The following PIK3C2G variants were observed in gnomAD, a reference collection of about 807,000 sequenced individuals.
The protein encoded by PIK3C2G is phosphatidylinositol-4-phosphate 3-kinase catalytic subunit type 2 gamma.
In PIK3C2G, 168 loss-of-function variants were observed where a neutral mutation model predicts 181.1. The ratio of observed to expected loss-of-function variants is 0.93; its 90% CI spans 0.82 to 1.05. PIK3C2G has a LOEUF of 1.05. Among genes scored for constraint, PIK3C2G ranks in the 50% least tolerant of loss-of-function variants. PIK3C2G has a pLI of 0.00. For synonymous variants in PIK3C2G, 573 were observed against 592.2 expected (o/e 0.97, Z 0.47); for missense variants, 1,869 against 1,732.8 (o/e 1.08, Z -1.40).
chr12:18,258,752 A>C (rs1259729762), upstream of PIK3C2G, among the ~76,000 whole-genome samples: 8 of 151,988 alleles, frequency 5.3e-5, no homozygotes, highest in Non-Finnish European at 1.2e-4. Flanking sequence ...GTTCAAGTTT[A>C]GTACAAAATG....
At chr12:18,373,601 G>A (rs1275453380) in intron 13 of PIK3C2G, among the ~76,000 whole-genome samples, 2 of 152,134 alleles carry the variant, frequency 1.3e-5, no homozygotes, top group African/African-American at 4.8e-5. Context: ...TGTAATCCCA[G>A]CACTTTGGGA....
At chr12:18,661,275 C>T in the PIK3C2G span, among the ~76,000 whole-genome samples, 2 of 151,916 alleles carry the variant, frequency 1.3e-5, 1 homozygote, top group South Asian at 4.2e-4. Context: ...TGATGAGATA[C>T]AAGAATTATA....
intron 31 of PIK3C2G, among the ~76,000 whole-genome samples, chr12:18,629,423 C>T (rs912574435): frequency 1.3e-4 from 20 of 152,080 alleles, no homozygotes; most frequent in Admixed American, 8.5e-4. Context: ...TGGAGAAACC[C>T]GGAGAGGTGA....
chr12:18,431,232 G>A (rs1202685849), intron 18 of PIK3C2G, among the ~76,000 whole-genome samples: 66 of 152,266 alleles, frequency 4.3e-4, no homozygotes, highest in Non-Finnish European at 2.9e-5. Context: ...ATGGGAATTA[G>A]TTTATCATTT....
intron 16 of PIK3C2G, among the ~76,000 whole-genome samples, chr12:18,403,198 T>G (rs1168575917): frequency 1.3e-5 from 2 of 152,208 alleles, no homozygotes; most frequent in African/African-American, 4.8e-5. Context: ...TCTTTTTTTC[T>G]GAATAATCAG....
the PIK3C2G span, among the ~76,000 whole-genome samples, chr12:18,713,393 C>G: frequency 2.0e-5 from 3 of 152,098 alleles, no homozygotes; most frequent in Admixed American, 2.0e-4. Flanking sequence ...TCAAAGCCCT[C>G]TCAGAATAGT....
intron 5 of PIK3C2G, among the ~76,000 whole-genome samples, chr12:18,309,577 T>C (rs372880393): frequency 2.0e-4 from 31 of 151,932 alleles, no homozygotes; most frequent in East Asian, 1.2e-3. Flanking sequence ...CTCAAGCAAG[T>C]ACAAGAGGGC....
chr12:18,466,038 T>C (rs1379539076), intron 18 of PIK3C2G, among the ~76,000 whole-genome samples: 1 of 151,632 alleles, frequency 6.6e-6, no homozygotes, highest in Non-Finnish European at 1.5e-5. Flanking sequence ...ATTTTTAATA[T>C]TCTACTGTGT....
rs188775249 is a variant in PIK3C2G at position 18,575,362 on chromosome 12, G to A, written c.4011+8305G>A. Among the ~76,000 whole-genome samples the A allele has an allele frequency of 1.2e-4, 19 of 152,266 alleles. 1 individual carries two copies. The highest frequency in any genetic ancestry group is 4.3e-4 in the African/African-American group (18 of 41,550). ...ATCTTTGTTTTTAACAAGTCCTCCA[G>A]AAGATCTCAATACATGGTAGTATTT... On this transcript the variant is annotated intron_variant, in intron 29 of 32. Transcript: ENST00000538779.
chr12:18,264,152 A>G (rs1421520382), intron 1 of PIK3C2G, among the ~76,000 whole-genome samples: 27 of 152,196 alleles, frequency 1.8e-4, no homozygotes, highest in Admixed American at 1.8e-3. Flanking sequence ...TTTAACATGT[A>G]TTCTTCAAAA....
chr12:18,694,077 C>A, the PIK3C2G span: 2 of 1,222,446 alleles, frequency 1.6e-6, no homozygotes, highest in South Asian at 1.2e-5. Context: ...CAGGAAGACA[C>A]CCCTGAGGGG....
At chr12:18,513,831 T>C (rs1942365131) in intron 24 of PIK3C2G, among the ~76,000 whole-genome samples, 1 of 151,804 alleles carries the variant, frequency 6.6e-6, no homozygotes, top group African/African-American at 2.4e-5. Flanking sequence ...TCTGTTGTTT[T>C]TTAGTGCTTA....
the PIK3C2G span, among the ~76,000 whole-genome samples, chr12:18,667,855 C>T: frequency 0.38 from 58,257 of 152,012 alleles, 13,891 homozygotes; most frequent in South Asian, 0.59. Context: ...GCTCTGCCTT[C>T]TTAAGAGGAG....
intron 31 of PIK3C2G, among the ~76,000 whole-genome samples, chr12:18,626,415 T>C (rs568516312): frequency 9.2e-5 from 14 of 152,130 alleles, no homozygotes; most frequent in African/African-American, 3.4e-4. Context: ...AATAATTTTG[T>C]CTTTGTGCCT....
intron 26 of PIK3C2G, among the ~76,000 whole-genome samples, chr12:18,550,093 T>C (rs1264415040): frequency 6.6e-6 from 1 of 152,076 alleles, no homozygotes; most frequent in Non-Finnish European, 1.5e-5. Flanking sequence ...TTTCTCTGTG[T>C]TTCTTGCTCA....
chr12:18,363,676 T>C (rs948871013), intron 12 of PIK3C2G, among the ~76,000 whole-genome samples: 1 of 152,102 alleles, frequency 6.6e-6, no homozygotes, highest in Non-Finnish European at 1.5e-5. Flanking sequence ...CTCTTTCAGA[T>C]GATCTGGCTT....
rs778810835 is a variant in PIK3C2G, at chr12:18,648,007, A to G, written c.4440A>G (p.Pro1480=). The change falls in exon 33 of 33, where the codon CCA becomes CCG. Residue 1480 remains proline, a synonymous_variant. Coordinates refer to ENST00000538779, the MANE Select transcript of PIK3C2G (RefSeq NM_001288772.2). Reference sequence around the variant, plus strand: ...CACTCGATAAAGAAAAATGGTATCCATTAGGAAACAGTATAATTTGACCAT... The same window carrying G: ...CACTCGATAAAGAAAAATGGTATCCGTTAGGAAACAGTATAATTTGACCAT... The part of the protein sequence containing the change: ...SVPLDKEKWY[P]LGNSII 6.3e-7 allele frequency: 1 copy of G among 1,596,250 alleles called. No individual in the cohort carries two copies. Among genetic ancestry groups the G allele is most frequent in the South Asian group, 1.1e-5 (1 of 88,078 alleles).
intron 25 of PIK3C2G, among the ~76,000 whole-genome samples, chr12:18,545,175 C>T (rs1278807959): frequency 6.6e-6 from 1 of 151,842 alleles, no homozygotes; most frequent in African/African-American, 2.4e-5. Flanking sequence ...CCATGTAATA[C>T]TCGGTTCCAG....
chr12:18,385,925 C>A (rs534150100), intron 14 of PIK3C2G, among the ~76,000 whole-genome samples: 1 of 152,266 alleles, frequency 6.6e-6, no homozygotes, highest in South Asian at 2.1e-4. Flanking sequence ...TGGTTAGGTA[C>A]CTGCTAGTTC....
Sources: gnomAD v4.1 joint callset for allele counts (sites outside exome capture counted in the v4.1 genomes callset) on GRCh38, gnomAD v4.1.1 for gene constraint, MANE v1.5 for transcripts, NCBI Gene and HGNC (gene_info 2026-07-23, HGNC 2026-07-21) for gene names.